The following ADARB1 variants were observed in gnomAD, a reference collection of about 807,000 sequenced individuals.
The protein encoded by ADARB1 is double-stranded RNA-specific editase 1.
Under a neutral mutation model 52.4 loss-of-function variants are expected in ADARB1, and 10 were observed. The ratio of observed to expected loss-of-function variants is 0.19; its 90% CI spans 0.12 to 0.32. The LOEUF (loss-of-function observed/expected upper bound fraction) is 0.32. ADARB1 is among the 10% of genes least tolerant of loss of function. The probability of loss-of-function intolerance (pLI) is 1.00; values close to 1 mark genes in which losing one functional copy is unlikely to be tolerated. For synonymous variants in ADARB1, 349 were observed against 371.1 expected (o/e 0.94, Z 0.68); for missense variants, 643 against 922.3 (o/e 0.70, Z 3.92).
intron 1 of ADARB1, among the ~76,000 whole-genome samples, chr21:45,082,910 T>C (rs1470310039): frequency 1.3e-5 from 2 of 152,140 alleles, no homozygotes; most frequent in Admixed American, 1.3e-4. Flanking sequence ...CTGCTCAGAG[T>C]CCCCCTGCGG....
intron 1 of ADARB1, chr21:45,121,007 C>T (rs138561458): frequency 5.9e-5 from 9 of 152,024 alleles, no homozygotes; most frequent in African/African-American, 2.2e-4. Flanking sequence ...TTTATATGTC[C>T]CTGGATTTAA....
At position 45,221,899 on chromosome 21, in the gene ADARB1, G is replaced by A. The variant is rs955609186; in HGVS notation, c.1927-119G>A. ...CCTTGGCAGAAGGCGCCTTCCTCTGGGTTGCTTTCCCCCCAGAAGCCAATG... is the reference window on the plus strand; with the variant it reads ...CCTTGGCAGAAGGCGCCTTCCTCTGAGTTGCTTTCCCCCCAGAAGCCAATG... On this transcript the variant is annotated intron_variant, in intron 10 of 10. Transcript: ENST00000348831. This position sits in a 1 kb window ranked among gnomAD's most constrained non-coding sequence, Gnocchi z 4.9. The A allele has an allele frequency of 3.9e-5, 44 of 1,120,162 alleles. No individual in the cohort carries two copies. Among genetic ancestry groups the A allele is most frequent in the Non-Finnish European group, 5.1e-5 (40 of 785,196 alleles). The allele number at this position is 1,120,162 out of a possible 1,614,324, so 69.4% of individuals were successfully genotyped here. A position where few individuals can be genotyped will look rare whatever the true frequency, so the allele number is the denominator to read the frequency against.
chr21:45,154,151 G>C lies in ADARB1; in HGVS notation c.-47-17459G>C, dbSNP rs185457305. ...CATTCCATAATCTCATTCTGCAGTG[G>C]GAAAACCACTCTCAAATATGTTGCA... On this transcript the variant is annotated intron_variant, in intron 2 of 10. Transcript: ENST00000348831. Among the ~76,000 whole-genome samples, 4 of 152,232 alleles carry C rather than the reference G, an allele frequency of 2.6e-5. No homozygotes were observed. The East Asian group carries it at 7.7e-4, about 29-fold the overall frequency.
chr21:45,224,405 G>GC lies in ADARB1; in HGVS notation c.*2209dup. 1.0e-6 allele frequency: 1 copy of GC among 984,290 alleles called. No individual in the cohort carries two copies. The highest frequency in any genetic ancestry group is 1.2e-6 in the Non-Finnish European group (1 of 829,786). 61.0% of individuals were successfully genotyped at this position (984,290 alleles called of 1,614,324 possible). A position where few individuals can be genotyped will look rare whatever the true frequency, so the allele number is the denominator to read the frequency against. On this transcript the variant is annotated 3_prime_UTR_variant, in exon 11 of 11. Coordinates refer to ENST00000348831, the MANE Select transcript of ADARB1 (RefSeq NM_001112.4). ...TGGCACCTTTCCGGGGTGGACTCGT[G>GC]CGGCCTTGAGGACAGGCACAGGGCA...
rs1205971448 is a variant in ADARB1 at position 45,176,317 on chromosome 21, C to T, written c.616C>T (p.Leu206Phe). The part of the protein sequence containing the change: ...GDDSFSSSGD[L>F]SLSASPVPAS... ...TGACTCCTTCAGTTCCAGCGGGGAC[C>T]TCAGCTTGTCTGCTTCCCCGGTGCC... The change falls in exon 4 of 11, where the codon CTC becomes TTC. Residue 206 changes from leucine (L) to phenylalanine (F), a missense_variant. Leu to Phe is a conservative substitution (Grantham distance 22, BLOSUM62 0). Transcript: ENST00000348831. This position sits in a 1 kb window ranked among gnomAD's most constrained non-coding sequence, Gnocchi z 5.8. 6.2e-7 allele frequency: 1 copy of T among 1,614,092 alleles called. No homozygotes were observed. The highest frequency in any genetic ancestry group is 1.1e-5 in the South Asian group (1 of 91,066).
At chr21:45,148,033 C>T (rs1023057253) in intron 2 of ADARB1, among the ~76,000 whole-genome samples, 4 of 152,140 alleles carry the variant, frequency 2.6e-5, no homozygotes, top group Admixed American at 1.3e-4. Flanking sequence ...AGAGGCCTGT[C>T]GGCATCACTG....
At chr21:45,134,391 T>C (rs111954270) in intron 2 of ADARB1, among the ~76,000 whole-genome samples, 3,858 of 22,672 alleles carry the variant, frequency 0.17, 4 homozygotes, top group Admixed American at 0.19. Context: ...GTGCGCCCGA[T>C]GGGTGTGTGT....
In ADARB1 at chr21:45,222,742, A is replaced by G; in HGVS notation, c.*545A>G. ...AATCGCCACACGTCTGTCTAAACTT[A>G]GGTCTCTTTTCTCCGTAGGTACCTC... On this transcript the variant is annotated 3_prime_UTR_variant, in exon 11 of 11. Transcript: ENST00000348831. 1.0e-6 allele frequency: 1 copy of G among 986,016 alleles called. No homozygotes were observed. Among genetic ancestry groups the G allele is most frequent in the Non-Finnish European group, 1.2e-6 (1 of 830,404 alleles). The allele number at this position is 986,016 out of a possible 1,614,324, so 61.1% of individuals were successfully genotyped here. A position where few individuals can be genotyped will look rare whatever the true frequency, so the allele number is the denominator to read the frequency against.
chr21:45,078,923 G>T (rs956440920), intron 1 of ADARB1, among the ~76,000 whole-genome samples: 6 of 152,104 alleles, frequency 3.9e-5, no homozygotes, highest in African/African-American at 1.4e-4. Flanking sequence ...CCATGTTACA[G>T]GGGGGAATAC....
chr21:45,095,531 A>G (rs1012073002), intron 1 of ADARB1, among the ~76,000 whole-genome samples: 1 of 151,766 alleles, frequency 6.6e-6, no homozygotes, highest in Non-Finnish European at 1.5e-5. Context: ...CTGTCTCTCC[A>G]TCCCGCTGTT....
intron 2 of ADARB1, among the ~76,000 whole-genome samples, chr21:45,170,858 G>T (rs1410513094): frequency 1.3e-5 from 2 of 152,204 alleles, no homozygotes; most frequent in African/African-American, 4.8e-5. Flanking sequence ...AAATTTGTTA[G>T]TAACTAGAAA....
In ADARB1 at chr21:45,224,299, A is replaced by G; in HGVS notation, c.*2102A>G. 2.3e-5 allele frequency: 23 copies of G among 985,500 alleles called. No individual in the cohort carries two copies. The highest frequency in any genetic ancestry group is 2.7e-5 in the Non-Finnish European group (22 of 829,992). 61.0% of individuals were successfully genotyped at this position (985,500 alleles called of 1,614,324 possible). A position where few individuals can be genotyped will look rare whatever the true frequency, so the allele number is the denominator to read the frequency against. On this transcript the variant is annotated 3_prime_UTR_variant, in exon 11 of 11. Transcript: ENST00000348831. ...CTGTCAGGTAATAGCTAAAGTCAGC[A>G]TGATTGCTCCCTGTACCACCCCAAA...
At chr21:45,098,501 C>T (rs2086863568) in intron 1 of ADARB1, among the ~76,000 whole-genome samples, 1 of 152,202 alleles carries the variant, frequency 6.6e-6, no homozygotes, top group African/African-American at 2.4e-5. Context: ...CCTGACCTGC[C>T]TGTTTATGGA....
At chr21:45,102,775 C>T (rs1374534485) in intron 1 of ADARB1, among the ~76,000 whole-genome samples, 1 of 152,220 alleles carries the variant, frequency 6.6e-6, no homozygotes, top group Non-Finnish European at 1.5e-5. Context: ...GCTCCTTTTC[C>T]AGCACAATTC....
chr21:45,121,964 A>G (rs748704530), intron 1 of ADARB1, among the ~76,000 whole-genome samples: 5 of 152,194 alleles, frequency 3.3e-5, no homozygotes, highest in Non-Finnish European at 5.9e-5. Flanking sequence ...CTAATAAAGC[A>G]CTTCAAATGG....
At chr21:45,202,365 G>A (rs1367245722) in intron 8 of ADARB1, among the ~76,000 whole-genome samples, 1 of 152,188 alleles carries the variant, frequency 6.6e-6, no homozygotes, top group African/African-American at 2.4e-5. Flanking sequence ...TCAGTGCTGG[G>A]GCATATCCAG....
intron 9 of ADARB1, among the ~76,000 whole-genome samples, chr21:45,206,969 CAGAG>C (rs2146364929): frequency 6.6e-6 from 1 of 152,330 alleles, no homozygotes; most frequent in East Asian, 1.9e-4. Context: ...TCAGCAGCAG[CAGAG>C]AGAGCCTGGG....
At chr21:45,166,618 C>T (rs2091264511) in intron 2 of ADARB1, among the ~76,000 whole-genome samples, 1 of 152,216 alleles carries the variant, frequency 6.6e-6, no homozygotes, top group Non-Finnish European at 1.5e-5. Context: ...AGGACTAAGC[C>T]ACCTGCTCCT....
chr21:45,191,845 A>G (rs1349259447), intron 8 of ADARB1, among the ~76,000 whole-genome samples: 2 of 133,554 alleles, frequency 1.5e-5, no homozygotes, highest in East Asian at 4.3e-4. Context: ...GAAAACATCC[A>G]GTCCATATAT....
Sources: gnomAD v4.1 joint callset for allele counts (sites outside exome capture counted in the v4.1 genomes callset) on GRCh38, gnomAD v4.1.1 for gene constraint, Gnocchi (gnomAD v3.1) non-coding constraint, MANE v1.5 for transcripts, NCBI Gene and HGNC (gene_info 2026-07-23, HGNC 2026-07-21) for gene names.